TRIM24: variants seen among roughly 807,000 people sequenced by gnomAD.
The protein encoded by TRIM24 is transcription intermediary factor 1-alpha.
TRIM24 carries 29 observed loss-of-function variants against 123.9 expected under a neutral mutation model. That is an observed-to-expected ratio of 0.23 (90% CI 0.17 to 0.32). The LOEUF is 0.32. TRIM24 is among the 10% of genes least tolerant of loss of function. The pLI is 1.00. For synonymous variants in TRIM24, 456 were observed against 461.1 expected (o/e 0.99, Z 0.14); for missense variants, 932 against 1,295.3 (o/e 0.72, Z 4.31).
intron 1 of TRIM24, among the ~76,000 whole-genome samples, chr7:138,484,413 A>AT (rs112148131): frequency 0.33 from 48,158 of 146,086 alleles, 8,192 homozygotes; most frequent in East Asian, 0.51. Flanking sequence ...CTGGCCTTAG[A>AT]TTTTTTTTTT....
At chr7:138,463,043 GTTTTTTTTTTTTTT>G (rs57719141) in intron 1 of TRIM24, among the ~76,000 whole-genome samples, 7 of 60,134 alleles carry the variant, frequency 1.2e-4, no homozygotes, top group Non-Finnish European at 1.7e-4. Flanking sequence ...CTAATTTTGT[GTTTTTTTTTTTTTT>G]TTTTTTTTTT....
chr7:138,516,758 A>G (rs1365620462), intron 3 of TRIM24, among the ~76,000 whole-genome samples: 1 of 151,278 alleles, frequency 6.6e-6, no homozygotes, highest in African/African-American at 2.4e-5. Context: ...TTAGCATAAT[A>G]TTTTAAGGAT....
At chr7:138,470,123 A>ATTTTT (rs10542175) in intron 1 of TRIM24, among the ~76,000 whole-genome samples, 4 of 81,428 alleles carry the variant, frequency 4.9e-5, no homozygotes, top group South Asian at 4.5e-4. Flanking sequence ...TACAAGTATA[A>ATTTTT]TTTTTTTTTT....
chr7:138,569,746 G>T (rs969917702), intron 10 of TRIM24, among the ~76,000 whole-genome samples: 4 of 152,182 alleles, frequency 2.6e-5, no homozygotes, highest in African/African-American at 9.7e-5. Flanking sequence ...GAATGTTTCA[G>T]ACATTTTATA....
At chr7:138,547,962 G>A (rs968679054) in intron 7 of TRIM24, among the ~76,000 whole-genome samples, 4 of 152,160 alleles carry the variant, frequency 2.6e-5, no homozygotes, top group African/African-American at 9.7e-5. Flanking sequence ...TGTTTTAAAA[G>A]TATAGCCAAC....
intron 7 of TRIM24, among the ~76,000 whole-genome samples, chr7:138,546,409 TG>T (rs1465666575): frequency 6.6e-6 from 1 of 152,222 alleles, no homozygotes; most frequent in Non-Finnish European, 1.5e-5. Flanking sequence ...GATGGCATCA[TG>T]GAAAAGACTG....
chr7:138,565,734 C>T (rs1427718023), intron 9 of TRIM24, among the ~76,000 whole-genome samples: 1 of 152,188 alleles, frequency 6.6e-6, no homozygotes, highest in Non-Finnish European at 1.5e-5. Context: ...GACTTTTATA[C>T]ACACTTCTGA....
Position 138,536,691 on chromosome 7 carries a change from G to A in TRIM24, c.997-1966G>A, listed in dbSNP as rs187984024. ...ACCCACTTGAGGAGGTAGTCTGTCC[G>A]TTCTGAGATCTCAAACTCCGTGCTA... On this transcript the variant is annotated intron_variant, in intron 6 of 18. Coordinates refer to ENST00000343526, the MANE Select transcript of TRIM24 (RefSeq NM_015905.3). Among the ~76,000 whole-genome samples, 22 of 152,318 alleles carry A rather than the reference G, an allele frequency of 1.4e-4. 1 individual carries two copies. The highest frequency in any genetic ancestry group is 3.4e-3 in the Middle Eastern group (1 of 294).
chr7:138,469,693 G>A (rs1795228685), intron 1 of TRIM24, among the ~76,000 whole-genome samples: 1 of 152,058 alleles, frequency 6.6e-6, no homozygotes, highest in African/African-American at 2.4e-5. Context: ...TCTGTAATGT[G>A]GTGTGGCACA....
At chr7:138,510,393 G>C (rs759145428) in intron 2 of TRIM24, among the ~76,000 whole-genome samples, 2 of 152,024 alleles carry the variant, frequency 1.3e-5, no homozygotes, top group Non-Finnish European at 2.9e-5. Flanking sequence ...CAAATCATGT[G>C]TGTGTGTGGT....
chr7:138,569,972 ATCTC>A (rs1181829246), intron 10 of TRIM24, among the ~76,000 whole-genome samples: 4 of 147,560 alleles, frequency 2.7e-5, no homozygotes, highest in Non-Finnish European at 4.5e-5. Context: ...TTGAGGCAGA[ATCTC>A]TCTCTCTGTA....
At chr7:138,539,801 C>CTTG (rs1554441060) in intron 7 of TRIM24, among the ~76,000 whole-genome samples, 18 of 129,626 alleles carry the variant, frequency 1.4e-4, no homozygotes, top group East Asian at 1.1e-3. Flanking sequence ...ATTAAGTAAT[C>CTTG]TTTTTTTTTT....
rs1318521076 is a variant in TRIM24 at position 138,586,326 on chromosome 7, A to G, written c.*1375A>G. ...TTCTCCTTAGGATGATAGAATAAAAAGAGCTCACTTGAAAGAAGGCTATTA... is the reference window on the plus strand; with the variant it reads ...TTCTCCTTAGGATGATAGAATAAAAGGAGCTCACTTGAAAGAAGGCTATTA... On this transcript the variant is annotated 3_prime_UTR_variant, in exon 19 of 19. Transcript: ENST00000343526. 6.4e-6 allele frequency: 1 copy of G among 155,786 alleles called. No individual in the cohort carries two copies. The highest frequency in any genetic ancestry group is 6.3e-5 in the Admixed American group (1 of 15,982). 9.7% of individuals were successfully genotyped at this position (155,786 alleles called of 1,614,324 possible).
At chr7:138,521,541 AAAAGAAAT>A (rs1370835993) in intron 4 of TRIM24, among the ~76,000 whole-genome samples, 1 of 152,184 alleles carries the variant, frequency 6.6e-6, no homozygotes, top group Non-Finnish European at 1.5e-5. Flanking sequence ...AAAAATGAGA[AAAAGAAAT>A]AAAGAACAGA....
intron 1 of TRIM24, among the ~76,000 whole-genome samples, chr7:138,483,370 A>G (rs1021521367): frequency 1.3e-5 from 2 of 152,188 alleles, no homozygotes; most frequent in African/African-American, 2.4e-5. Context: ...TATTATTTCC[A>G]ATCTTTATGC....
chr7:138,497,341 T>G (rs953160338), intron 1 of TRIM24, among the ~76,000 whole-genome samples: 2 of 151,650 alleles, frequency 1.3e-5, no homozygotes, highest in Admixed American at 1.3e-4. Flanking sequence ...GTGCCAGTAT[T>G]ACAGGTGTGA....
chr7:138,468,434 T>C (rs771855953), intron 1 of TRIM24, among the ~76,000 whole-genome samples: 14 of 152,196 alleles, frequency 9.2e-5, no homozygotes, highest in African/African-American at 1.4e-4. Context: ...AATGCTATGT[T>C]ATGGTCTACT....
chr7:138,570,749 C>A, intron 10 of TRIM24, 81 bp from the exon 11 acceptor site: 1 of 1,417,548 alleles, frequency 7.1e-7, no homozygotes, highest in Non-Finnish European at 9.6e-7. Context: ...TCTTCTACTT[C>A]ATTTTGTGTG....
At chr7:138,497,516 C>T (rs552313461) in intron 1 of TRIM24, among the ~76,000 whole-genome samples, 2 of 150,568 alleles carry the variant, frequency 1.3e-5, no homozygotes, top group African/African-American at 4.9e-5. Flanking sequence ...CCTGCCTCAG[C>T]CTCCCAAGTA....
Sources: allele counts gnomAD v4.1 joint callset (sites outside exome capture counted in the v4.1 genomes callset), GRCh38; gene constraint gnomAD v4.1.1; transcripts MANE v1.5; gene names NCBI Gene and HGNC (gene_info 2026-07-23, HGNC 2026-07-21).